Variants in RAI1 observed in about 807,000 individuals in gnomAD.
RAI1 encodes retinoic acid induced 1.
RAI1 carries 9 observed loss-of-function variants against 123.8 expected under a neutral mutation model. The observed-to-expected ratio is 0.07, with a 90% CI of 0.04 to 0.13. RAI1 has a LOEUF of 0.13. Ranked by LOEUF, RAI1 falls within the 10% of genes least tolerant of loss-of-function variation. RAI1 has a pLI of 1.00. For missense variants in RAI1, 2,256 were observed against 2,545.8 expected (o/e 0.89, Z 2.45); for synonymous variants, 1,231 against 1,127.3 (o/e 1.09, Z -1.84).
chr17:17,762,129 G>A (rs955896488), intron 2 of RAI1, among the ~76,000 whole-genome samples: 1 of 152,158 alleles, frequency 6.6e-6, no homozygotes, highest in African/African-American at 2.4e-5. Flanking sequence ...CTGCCCTCAC[G>A]GAGCTTACCA....
Position 17,795,472 on chromosome 17 carries a change from C to G in RAI1, c.2524C>G (p.Arg842Gly), listed in dbSNP as rs538101375. ...AKADRWLEDS[R>G]HCCSTADFGD... is the part of the protein sequence containing the mutation. ...GGCTGACCGGTGGCTGGAGGACAGC[C>G]GGCACTGCTGTTCCACCGCCGACTT... The change falls in exon 3 of 6, where the codon CGG (arginine) becomes GGG (glycine). Residue 842 changes from arginine (R) to glycine (G), a missense_variant. Physicochemically the swap from Arg to Gly is moderately radical, Grantham distance 125 (BLOSUM62 -2). Coordinates refer to ENST00000353383, the MANE Select transcript of RAI1 (RefSeq NM_030665.4). This position sits in a 1 kb window ranked among gnomAD's most constrained non-coding sequence, Gnocchi z 5.9. The G allele has an allele frequency of 6.3e-7, 1 of 1,584,532 alleles. No homozygotes were observed. Among genetic ancestry groups the G allele is most frequent in the Non-Finnish European group, 8.6e-7 (1 of 1,165,536 alleles).
intron 1 of RAI1, among the ~76,000 whole-genome samples, chr17:17,715,896 G>T (rs967207165): frequency 6.6e-6 from 1 of 152,198 alleles, no homozygotes; most frequent in African/African-American, 2.4e-5. Context: ...CCTGTTGTCC[G>T]TTCCGTGCCC....
chr17:17,790,734 G>A (rs553561905), intron 2 of RAI1, among the ~76,000 whole-genome samples: 34 of 152,250 alleles, frequency 2.2e-4, no homozygotes, highest in Non-Finnish European at 4.3e-4. Context: ...GCAGATATAC[G>A]AGGCGCAGCC....
In RAI1 at chr17:17,796,788, G is replaced by A. The variant is rs762679614; in HGVS notation, c.3840G>A (p.Lys1280=). Residue 1280 remains lysine (K), a synonymous_variant, in exon 3 of 6, where the codon AAG becomes AAA. Coordinates refer to ENST00000353383, the MANE Select transcript of RAI1 (RefSeq NM_030665.4). The surrounding 1 kb of genome is among the most constrained non-coding windows in gnomAD (Gnocchi z 5.8). ...FKRMSSPKKA[K]PTKGNGEPAT... is the part of the protein sequence containing the mutation. ...GGATGTCTTCTCCCAAGAAAGCCAAGCCCACCAAGGGCAATGGCGAGCCTG... is the reference window on the plus strand; with the variant it reads ...GGATGTCTTCTCCCAAGAAAGCCAAACCCACCAAGGGCAATGGCGAGCCTG... 12 of 1,612,730 alleles carry A rather than the reference G, an allele frequency of 7.4e-6. No individual in the cohort carries two copies. The highest frequency in any genetic ancestry group is 6.7e-5 in the Admixed American group (4 of 59,992).
chr17:17,745,445 GT>G (rs879513855), intron 2 of RAI1, among the ~76,000 whole-genome samples: 1 of 151,156 alleles, frequency 6.6e-6, no homozygotes, highest in Non-Finnish European at 1.5e-5. Flanking sequence ...TTTTGTTTTT[GT>G]TTTTTTTGAG....
intron 2 of RAI1, among the ~76,000 whole-genome samples, chr17:17,771,143 G>T (rs1486455080): frequency 6.6e-6 from 1 of 152,174 alleles, no homozygotes; most frequent in Non-Finnish European, 1.5e-5. Context: ...CCCTGACCCT[G>T]CCCAGGTGTC....
chr17:17,743,631 C>T (rs997495672), intron 2 of RAI1, among the ~76,000 whole-genome samples: 2 of 152,236 alleles, frequency 1.3e-5, no homozygotes, highest in South Asian at 2.1e-4. Flanking sequence ...GGGGCTGCCT[C>T]CTGACCCCAA....
chr17:17,739,662 C>G (rs1916553470), intron 2 of RAI1, among the ~76,000 whole-genome samples: 1 of 152,238 alleles, frequency 6.6e-6, no homozygotes, highest in Non-Finnish European at 1.5e-5. Context: ...TTCCCCTGAC[C>G]TCTGGCTGCC....
intron 2 of RAI1, among the ~76,000 whole-genome samples, chr17:17,789,546 G>A (rs1261626214): frequency 6.6e-6 from 1 of 152,188 alleles, no homozygotes; most frequent in Non-Finnish European, 1.5e-5. Context: ...TCATGGCTTG[G>A]AGTGAGGACA....
chr17:17,728,981 G>C (rs933463058), intron 2 of RAI1, among the ~76,000 whole-genome samples: 5 of 152,204 alleles, frequency 3.3e-5, no homozygotes, highest in Non-Finnish European at 4.4e-5. Flanking sequence ...TGAGGTCCGA[G>C]CAGCACAGGG....
intron 1 of RAI1, among the ~76,000 whole-genome samples, chr17:17,722,995 G>T (rs1198505486): frequency 6.6e-6 from 1 of 152,028 alleles, no homozygotes; most frequent in Non-Finnish European, 1.5e-5. Context: ...CGCAGATCCA[G>T]CCACACACGC....
At chr17:17,705,315 T>C (rs1391013977) in intron 1 of RAI1, among the ~76,000 whole-genome samples, 1 of 152,236 alleles carries the variant, frequency 6.6e-6, no homozygotes, top group Non-Finnish European at 1.5e-5. Context: ...CACCAATTTC[T>C]TTACATCATT....
At chr17:17,688,213 G>T (rs554532287) in intron 1 of RAI1, among the ~76,000 whole-genome samples, 1 of 151,114 alleles carries the variant, frequency 6.6e-6, no homozygotes, top group African/African-American at 2.4e-5. Flanking sequence ...GGCAGGGCGC[G>T]GTGGCTTACG....
rs1916514066 is a variant in RAI1 at position 17,738,517 on chromosome 17, G to T, written c.-17+14358G>T. Among the ~76,000 whole-genome samples the T allele has an allele frequency of 2.0e-5, 3 of 152,198 alleles. No individual in the cohort carries two copies. In the South Asian group the frequency reaches 6.2e-4, roughly 31 times the overall value. ...GCTGCCCTACACGGCCTTGGGCCTG[G>T]CCTGTCTGCGGGTGAAGGCGGGGGC... On this transcript the variant is annotated intron_variant, in intron 2 of 5. Coordinates refer to ENST00000353383, the MANE Select transcript of RAI1 (RefSeq NM_030665.4).
chr17:17,750,601 A>G (rs1385940808), intron 2 of RAI1, among the ~76,000 whole-genome samples: 1 of 150,726 alleles, frequency 6.6e-6, no homozygotes, highest in East Asian at 1.9e-4. Context: ...CGTGCCTGTA[A>G]TCCCAGCAAC....
Position 17,794,373 on chromosome 17 carries a change from G to A in RAI1, c.1425G>A (p.Gln475=), listed in dbSNP as rs1341375768. The A allele has an allele frequency of 6.2e-7, 1 of 1,613,226 alleles. No individual in the cohort carries two copies. The highest frequency in any genetic ancestry group is 8.5e-7 in the Non-Finnish European group (1 of 1,180,036). Residue 475 remains glutamine, a synonymous_variant, in exon 3 of 6, where the codon CAG becomes CAA. Coordinates refer to ENST00000353383, the MANE Select transcript of RAI1 (RefSeq NM_030665.4). The part of the protein sequence containing the change: ...VKNLVSRTPE[Q]HKSQHCSPEG... Reference sequence around the variant, plus strand: ...ACCTCGTGTCCAGGACCCCAGAGCAGCATAAAAGCCAGCACTGCAGCCCCG... The same window carrying A: ...ACCTCGTGTCCAGGACCCCAGAGCAACATAAAAGCCAGCACTGCAGCCCCG...
intron 2 of RAI1, among the ~76,000 whole-genome samples, chr17:17,792,332 C>T (rs756295769): frequency 4.0e-5 from 6 of 151,366 alleles, no homozygotes; most frequent in East Asian, 1.9e-4. Flanking sequence ...TGTGTGTGTG[C>T]GCGCGTGTGT....
At chr17:17,735,246 G>T (rs1459410135) in intron 2 of RAI1, among the ~76,000 whole-genome samples, 2 of 151,214 alleles carry the variant, frequency 1.3e-5, no homozygotes, top group East Asian at 3.9e-4. Flanking sequence ...TAGAGATGGG[G>T]TTTCACCATG....
intron 2 of RAI1, among the ~76,000 whole-genome samples, chr17:17,785,728 C>G (rs536046461): frequency 1.9e-4 from 29 of 152,298 alleles, no homozygotes; most frequent in South Asian, 6.2e-4. Flanking sequence ...CTGCCTCCCC[C>G]CTGAGCCCAG....
Sources: allele counts gnomAD v4.1 joint callset (sites outside exome capture counted in the v4.1 genomes callset), GRCh38; gene constraint gnomAD v4.1.1; non-coding constraint Gnocchi (gnomAD v3.1); transcripts MANE v1.5; gene names NCBI Gene and HGNC (gene_info 2026-07-23, HGNC 2026-07-21).